Variants in TGFBRAP1 observed in about 807,000 individuals in gnomAD.
TGFBRAP1 encodes transforming growth factor beta receptor associated protein 1, also known as transforming growth factor-beta receptor-associated protein 1.
TGFBRAP1 carries 20 observed loss-of-function variants against 83.2 expected under a neutral mutation model. The observed-to-expected ratio is 0.24, with a 90% confidence interval of 0.17 to 0.35. The LOEUF (loss-of-function observed/expected upper bound fraction) is 0.35, where lower values mean the gene tolerates loss of function less well. Ranked by LOEUF, TGFBRAP1 falls within the 10% of genes least tolerant of loss-of-function variation. The probability of loss-of-function intolerance (pLI) is 1.00; values close to 1 mark genes in which losing one functional copy is unlikely to be tolerated. For missense variants in TGFBRAP1, 950 were observed against 1,099.4 expected (o/e 0.86, Z 1.92); for synonymous variants, 415 against 459.8 (o/e 0.90, Z 1.25).
intron 6 of TGFBRAP1, among the ~76,000 whole-genome samples, chr2:105,280,024 C>T (rs1186914698): frequency 3.4e-5 from 5 of 148,072 alleles, no homozygotes; most frequent in Non-Finnish European, 7.4e-5. Context: ...GGTGACAGAG[C>T]GAGACTCCGT....
chr2:105,311,194 A>G (rs1678680717), intron 1 of TGFBRAP1, among the ~76,000 whole-genome samples: 1 of 152,124 alleles, frequency 6.6e-6, no homozygotes, highest in African/African-American at 2.4e-5. Context: ...TTTACTAAAA[A>G]GTCATAACTC....
intron 4 of TGFBRAP1, among the ~76,000 whole-genome samples, chr2:105,292,292 G>C (rs1677940969): frequency 6.6e-6 from 1 of 152,192 alleles, no homozygotes; most frequent in African/African-American, 2.4e-5. Flanking sequence ...GGAAGAATGA[G>C]AGATTATACA....
At chr2:105,306,185 C>T (rs990042143) in intron 2 of TGFBRAP1, among the ~76,000 whole-genome samples, 4 of 151,530 alleles carry the variant, frequency 2.6e-5, no homozygotes, top group African/African-American at 9.7e-5. Context: ...GCCTCAGCTT[C>T]CTGAGTAGCT....
intron 2 of TGFBRAP1, among the ~76,000 whole-genome samples, chr2:105,303,274 A>C (rs1321215930): frequency 6.6e-6 from 1 of 152,234 alleles, no homozygotes. Flanking sequence ...TAAAAGAATA[A>C]AATAAAATAA....
At chr2:105,304,187 C>G (rs987588217) in intron 2 of TGFBRAP1, among the ~76,000 whole-genome samples, 1 of 152,074 alleles carries the variant, frequency 6.6e-6, no homozygotes, top group Non-Finnish European at 1.5e-5. Context: ...GTATCTGTAA[C>G]TTAGAAATAT....
chr2:105,276,991 G>A (rs917769080), intron 7 of TGFBRAP1, among the ~76,000 whole-genome samples: 1 of 152,174 alleles, frequency 6.6e-6, no homozygotes, highest in African/African-American at 2.4e-5. Flanking sequence ...AATAACGAAG[G>A]GGAGAAAGTC....
At chr2:105,271,046 C>T (rs1677138659) in intron 10 of TGFBRAP1, among the ~76,000 whole-genome samples, 1 of 152,222 alleles carries the variant, frequency 6.6e-6, no homozygotes, top group South Asian at 2.1e-4. Context: ...CCTGAAAGCT[C>T]CCCTGTGCTA....
chr2:105,304,416 G>A (rs1046167267), intron 2 of TGFBRAP1, among the ~76,000 whole-genome samples: 39 of 152,266 alleles, frequency 2.6e-4, no homozygotes, highest in Non-Finnish European at 5.4e-4. Flanking sequence ...AATGTGGCTG[G>A]GCTAAAGAAT....
chr2:105,310,613 G>A (rs1176250447), intron 1 of TGFBRAP1, among the ~76,000 whole-genome samples: 1 of 152,024 alleles, frequency 6.6e-6, no homozygotes, highest in Non-Finnish European at 1.5e-5. Context: ...AGAATCCCAG[G>A]TGAGGCCGAG....
chr2:105,283,119 C>A (rs372238270), intron 5 of TGFBRAP1, among the ~76,000 whole-genome samples: 1 of 152,296 alleles, frequency 6.6e-6, no homozygotes, highest in East Asian at 1.9e-4. Context: ...CAAGATACGG[C>A]AGAAAAGAGC....
intron 10 of TGFBRAP1, 94 bp downstream of exon 10, chr2:105,272,761 A>C: frequency 6.6e-7 from 1 of 1,505,226 alleles, no homozygotes; most frequent in Non-Finnish European, 9.0e-7. Context: ...TGTGCAATCA[A>C]CCAGCAGCTG....
chr2:105,322,878 C>A (rs1286381302), intron 1 of TGFBRAP1, among the ~76,000 whole-genome samples: 1 of 152,136 alleles, frequency 6.6e-6, no homozygotes, highest in Non-Finnish European at 1.5e-5. Context: ...AGTGAACTGA[C>A]AAAAGTTGCC....
At chr2:105,298,435 C>A in intron 3 of TGFBRAP1, 76 bp downstream of exon 3, 3 of 1,477,744 alleles carry the variant, frequency 2.0e-6, no homozygotes, top group Non-Finnish European at 2.7e-6. Flanking sequence ...AGGCCCAGTT[C>A]CTAAATGATA....
intron 1 of TGFBRAP1, among the ~76,000 whole-genome samples, chr2:105,310,617 G>A (rs1410697561): frequency 3.9e-5 from 6 of 152,066 alleles, no homozygotes; most frequent in Non-Finnish European, 7.4e-5. Context: ...TCCCAGGTGA[G>A]GCCGAGTGCA....
chr2:105,274,410 T>C (rs1416451442), intron 8 of TGFBRAP1, among the ~76,000 whole-genome samples: 1 of 152,188 alleles, frequency 6.6e-6, no homozygotes, highest in African/African-American at 2.4e-5. Context: ...TCACGTATCA[T>C]GTATTATGGT....
At position 105,322,748 on chromosome 2, in the gene TGFBRAP1, C is replaced by T. The variant is rs373087226; in HGVS notation, c.-18+6877G>A. ...CTGTACCATCCAGGTTTGTGTAATT[C>T]ACTCTATGATGTTCATATGATGACA... On this transcript the variant is annotated intron_variant, in intron 1 of 11. Transcript: ENST00000393359. Among the ~76,000 whole-genome samples, 23 of 152,278 alleles carry T rather than the reference C, an allele frequency of 1.5e-4. 1 individual carries two copies. In the East Asian group the frequency reaches 3.9e-3, roughly 26 times the overall value.
intron 2 of TGFBRAP1, among the ~76,000 whole-genome samples, chr2:105,299,850 G>A (rs1678222970): frequency 6.6e-6 from 1 of 152,144 alleles, no homozygotes; most frequent in Admixed American, 6.6e-5. Flanking sequence ...AGGAGTCCAG[G>A]ACAAGCACTA....
At chr2:105,279,295 G>T (rs972784647) in intron 6 of TGFBRAP1, among the ~76,000 whole-genome samples, 2 of 152,092 alleles carry the variant, frequency 1.3e-5, no homozygotes, top group African/African-American at 4.8e-5. Flanking sequence ...GTCTAGCTCT[G>T]TCTCCAGGCT....
At chr2:105,279,172 G>A (rs1473209367) in intron 6 of TGFBRAP1, among the ~76,000 whole-genome samples, 1 of 152,160 alleles carries the variant, frequency 6.6e-6, no homozygotes, top group Non-Finnish European at 1.5e-5. Context: ...GAATGGAGAA[G>A]CTGCTGGCCC....
Sources: gnomAD v4.1 joint callset for allele counts (sites outside exome capture counted in the v4.1 genomes callset) on GRCh38, gnomAD v4.1.1 for gene constraint, MANE v1.5 for transcripts, NCBI Gene and HGNC (gene_info 2026-07-23, HGNC 2026-07-21) for gene names.